The following GPC5 variants were observed in gnomAD, a reference collection of about 807,000 sequenced individuals.
GPC5 encodes glypican 5.
Under a neutral mutation model 53.9 loss-of-function variants are expected in GPC5, and 47 were observed. The ratio of observed to expected loss-of-function variants is 0.87; its 90% CI spans 0.69 to 1.11. The LOEUF (loss-of-function observed/expected upper bound fraction) is 1.11. Among genes scored for constraint, GPC5 ranks in the 50% most tolerant of loss-of-function variants. The pLI is 0.00. For missense variants in GPC5, 748 were observed against 713.1 expected (o/e 1.05, Z -0.56); for synonymous variants, 286 against 263.3 (o/e 1.09, Z -0.84).
chr13:92,818,401 T>TA (rs1877556788), intron 7 of GPC5, among the ~76,000 whole-genome samples: 1 of 152,016 alleles, frequency 6.6e-6, no homozygotes, highest in African/African-American at 2.4e-5. Flanking sequence ...TTATTAAAAC[T>TA]AAAAGCCTTT....
chr13:92,383,143 C>T (rs1049211746), intron 7 of GPC5, among the ~76,000 whole-genome samples: 5 of 152,058 alleles, frequency 3.3e-5, no homozygotes, highest in Admixed American at 6.6e-5. Flanking sequence ...TCATTGTTCT[C>T]ACATCCTCTT....
chr13:92,533,266 A>G (rs1179396435), intron 7 of GPC5, among the ~76,000 whole-genome samples: 1 of 152,136 alleles, frequency 6.6e-6, no homozygotes, highest in East Asian at 1.9e-4. Context: ...ACTTCACTGT[A>G]TGTTCTCATA....
chr13:92,363,670 C>A (rs1048278964), intron 7 of GPC5, among the ~76,000 whole-genome samples: 2 of 151,738 alleles, frequency 1.3e-5, no homozygotes, highest in African/African-American at 4.9e-5. Context: ...TAGACAAAAG[C>A]TATTTGTACC....
chr13:91,521,196 C>A (rs1195631932), intron 2 of GPC5, among the ~76,000 whole-genome samples: 1 of 152,098 alleles, frequency 6.6e-6, no homozygotes, highest in Admixed American at 6.6e-5. Context: ...GGTTTGCTTT[C>A]TAAAATTCTC....
intron 4 of GPC5, among the ~76,000 whole-genome samples, chr13:91,739,927 C>T (rs1474991159): frequency 6.6e-6 from 1 of 151,354 alleles, no homozygotes; most frequent in Non-Finnish European, 1.5e-5. Flanking sequence ...CCACCTACCT[C>T]AGGCTCTTGG....
At chr13:92,800,359 C>T (rs1180479824) in intron 7 of GPC5, among the ~76,000 whole-genome samples, 3 of 151,802 alleles carry the variant, frequency 2.0e-5, no homozygotes, top group East Asian at 1.9e-4. Flanking sequence ...AACACAAACC[C>T]TTCCTTTGGT....
chr13:92,484,406 C>T (rs1879476765), intron 7 of GPC5, among the ~76,000 whole-genome samples: 1 of 152,178 alleles, frequency 6.6e-6, no homozygotes, highest in Admixed American at 6.5e-5. Context: ...AAACCAGTAG[C>T]TTAGTCATGT....
chr13:91,631,616 G>A (rs1273868468), intron 2 of GPC5, among the ~76,000 whole-genome samples: 1 of 152,018 alleles, frequency 6.6e-6, no homozygotes, highest in Non-Finnish European at 1.5e-5. Flanking sequence ...AAAACTGTGG[G>A]TAGGCAACGC....
In GPC5 at chr13:92,543,685, T is replaced by G. The variant is rs1241679161; in HGVS notation, c.1562-322597T>G. Reference sequence around the variant, plus strand: ...GATTTTACAGGAGAGAGTGCGCAGCTATAGCTGTGAATATAGCTATATTAG... The same window carrying G: ...GATTTTACAGGAGAGAGTGCGCAGCGATAGCTGTGAATATAGCTATATTAG... On this transcript the variant is annotated intron_variant, in intron 7 of 7. Coordinates refer to ENST00000377067, the MANE Select transcript of GPC5 (RefSeq NM_004466.6). Among the ~76,000 whole-genome samples, 5 of 152,252 alleles carry G rather than the reference T, an allele frequency of 3.3e-5. No individual in the cohort carries two copies. In the East Asian group the frequency reaches 9.7e-4, roughly 30 times the overall value.
intron 5 of GPC5, among the ~76,000 whole-genome samples, chr13:91,791,849 T>C (rs1010052311): frequency 6.6e-6 from 1 of 152,094 alleles, no homozygotes; most frequent in African/African-American, 2.4e-5. Flanking sequence ...AACTAAATCT[T>C]AAAATAGGGT....
At chr13:92,236,723 A>G (rs953476853) in intron 7 of GPC5, among the ~76,000 whole-genome samples, 4 of 152,324 alleles carry the variant, frequency 2.6e-5, no homozygotes, top group African/African-American at 9.6e-5. Flanking sequence ...AATAAAATAC[A>G]GATGTGTATC....
chr13:92,658,942 T>G (rs1886236677), intron 7 of GPC5: 1 of 141,868 alleles, frequency 7.0e-6, no homozygotes, highest in African/African-American at 2.6e-5. Flanking sequence ...TTTTTTTTTT[T>G]TTTTGAGACG....
At chr13:91,928,459 G>T (rs1246083433) in intron 6 of GPC5, among the ~76,000 whole-genome samples, 1 of 152,192 alleles carries the variant, frequency 6.6e-6, no homozygotes, top group Non-Finnish European at 1.5e-5. Flanking sequence ...CGATGTTTCA[G>T]TATAGGAGGC....
intron 5 of GPC5, among the ~76,000 whole-genome samples, chr13:91,865,249 T>A (rs1185136493): frequency 6.6e-6 from 1 of 152,158 alleles, no homozygotes; most frequent in Non-Finnish European, 1.5e-5. Context: ...TTAATTGATT[T>A]TGTGGGATTA....
intron 5 of GPC5, among the ~76,000 whole-genome samples, chr13:91,907,496 TCTCTC>T (rs2138996976): frequency 1.2e-5 from 1 of 85,852 alleles, no homozygotes; most frequent in South Asian, 4.7e-4. Flanking sequence ...TCTCTCTCTC[TCTCTC>T]TTTATATATA....
At chr13:91,684,650 G>T (rs934476786) in intron 2 of GPC5, among the ~76,000 whole-genome samples, 1 of 152,164 alleles carries the variant, frequency 6.6e-6, no homozygotes, top group Non-Finnish European at 1.5e-5. Context: ...CATACTGTTA[G>T]CATAGCCTTT....
At chr13:91,648,463 T>TA (rs2034614797) in intron 2 of GPC5, among the ~76,000 whole-genome samples, 1 of 152,142 alleles carries the variant, frequency 6.6e-6, no homozygotes, top group Non-Finnish European at 1.5e-5. Context: ...AATTCAGCTG[T>TA]ATTTTTTGAT....
chr13:92,359,338 A>G (rs2043547490), intron 7 of GPC5, among the ~76,000 whole-genome samples: 1 of 151,598 alleles, frequency 6.6e-6, no homozygotes, highest in Non-Finnish European at 1.5e-5. Context: ...CCTGGACTTT[A>G]TTGTCCATAT....
Position 92,663,081 on chromosome 13 carries a change from C to T in GPC5, c.1562-203201C>T, listed in dbSNP as rs1331122736. Among the ~76,000 whole-genome samples, 3 of 152,104 alleles carry T rather than the reference C, an allele frequency of 2.0e-5. No homozygotes were observed. The South Asian group carries it at 6.2e-4, about 32-fold the overall frequency. On this transcript the variant is annotated intron_variant, in intron 7 of 7. Transcript: ENST00000377067. ...AGCCAACAATTTAAATTTTAATATG[C>T]TATAACAGTGGGATTTGCAAAGTCC...
Sources: allele counts gnomAD v4.1 joint callset (sites outside exome capture counted in the v4.1 genomes callset), GRCh38; gene constraint gnomAD v4.1.1; transcripts MANE v1.5; gene names NCBI Gene and HGNC (gene_info 2026-07-23, HGNC 2026-07-21).